Variants in KIAA0753 observed in about 807,000 individuals in gnomAD.
KIAA0753 encodes the protein protein moonraker.
A neutral mutation model predicts 116.9 loss-of-function variants in KIAA0753; 114 were observed. That is an observed-to-expected ratio of 0.98 (90% CI 0.84 to 1.14). The LOEUF (loss-of-function observed/expected upper bound fraction) is 1.14, where lower values mean the gene tolerates loss of function less well. Among genes scored for constraint, KIAA0753 ranks in the 50% most tolerant of loss-of-function variants. The pLI is 0.00. For missense variants in KIAA0753, 1,156 were observed against 1,172.4 expected (o/e 0.99, Z 0.20); for synonymous variants, 405 against 413.1 (o/e 0.98, Z 0.24).
chr17:6,587,083 T>C (rs1237347431), intron 18 of KIAA0753, among the ~76,000 whole-genome samples: 1 of 151,926 alleles, frequency 6.6e-6, no homozygotes, highest in African/African-American at 2.4e-5. Flanking sequence ...AACACAAAAA[T>C]TAGCCAGGTG....
intron 16 of KIAA0753, among the ~76,000 whole-genome samples, chr17:6,591,363 TCAGA>T (rs1969052361): frequency 6.6e-6 from 1 of 152,226 alleles, no homozygotes; most frequent in Non-Finnish European, 1.5e-5. Flanking sequence ...TTTCTTGCTG[TCAGA>T]CAGAAGTACG....
At chr17:6,607,362 A>T in intron 10 of KIAA0753, 92 bp from the exon 11 acceptor site, 2 of 959,390 alleles carry the variant, frequency 2.1e-6, no homozygotes, top group Middle Eastern at 4.2e-4. Flanking sequence ...GGACCACTGC[A>T]GAGCAGAGCA....
rs575722603 is a variant in KIAA0753, at chr17:6,611,786, C to G, written c.1545+133G>C. 107 of 694,756 alleles carry G rather than the reference C, an allele frequency of 1.5e-4. No individual in the cohort carries two copies. In the African/African-American group the frequency reaches 1.8e-3, roughly 12 times the overall value. 43.0% of individuals were successfully genotyped at this position (694,756 alleles called of 1,614,324 possible). ...TTATTTTTTTGTTAAAATATATAAA[C>G]AACTTAAATAGCCAGACTCAAGGAC... On this transcript the variant is annotated intron_variant, in intron 8 of 18. Coordinates refer to ENST00000361413, the MANE Select transcript of KIAA0753 (RefSeq NM_014804.3).
Position 6,610,074 on chromosome 17 carries a change from T to G in KIAA0753, c.1632A>C (p.Lys544Asn). 1 of 1,614,144 alleles carries G rather than the reference T, an allele frequency of 6.2e-7. No homozygotes were observed. The highest frequency in any genetic ancestry group is 1.1e-5 in the South Asian group (1 of 91,080). Residue 544 changes from lysine (K) to asparagine (N), a missense_variant, in exon 9 of 19, where the codon AAA (lysine) becomes AAC (asparagine). Transcript: ENST00000361413. ...VQQTTVSSRL[K>N]MNRQPVKDRK... The stretch of plus-strand genomic sequence containing the variant: ...GGTCTTTCACAGGCTGCCGGTTCAT[T>G]TTTAATCTGGATGAAACTGTTGTCT...
In KIAA0753 at chr17:6,628,463, AC is replaced by A. The variant is rs1268279663; in HGVS notation, c.371del (p.Ser124IlefsTer41). On this transcript the variant is annotated frameshift_variant, in exon 3 of 19. Coordinates refer to ENST00000361413, the MANE Select transcript of KIAA0753 (RefSeq NM_014804.3). LOFTEE classifies it high-confidence loss of function. ...EKHIKEHHLRSQPQSSQKCGH... is the reference protein window; with the variant it reads ...EKHIKEHHLRXQPQSSQKCGH... ...CACACTTCTGAGAGCTTTGAGGCTG[AC>A]TTCTGAGATGATGTTCTTTTATATG... 6.2e-7 allele frequency: 1 copy of A among 1,614,160 alleles called. No individual in the cohort carries two copies. Among genetic ancestry groups the A allele is most frequent in the South Asian group, 1.1e-5 (1 of 91,084 alleles).
intron 8 of KIAA0753, 119 bp downstream of exon 8, chr17:6,611,800 A>T (rs1597536611): frequency 1.4e-6 from 1 of 738,058 alleles, no homozygotes; most frequent in East Asian, 2.5e-5. Context: ...TTAAATAGCC[A>T]GACTCAAGGA....
intron 16 of KIAA0753, among the ~76,000 whole-genome samples, chr17:6,591,377 G>A (rs1024364221): frequency 2.6e-5 from 4 of 152,152 alleles, no homozygotes; most frequent in Non-Finnish European, 4.4e-5. Flanking sequence ...ACAGAAGTAC[G>A]ATATAAGTCA....
In KIAA0753 at chr17:6,620,822, T is replaced by G. The variant is rs1263231199; in HGVS notation, c.1281A>C (p.Thr427=). The G allele has an allele frequency of 6.2e-7, 1 of 1,614,082 alleles. No homozygotes were observed. Among genetic ancestry groups the G allele is most frequent in the East Asian group, 2.2e-5 (1 of 44,896 alleles). The change falls in exon 7 of 19, where the codon ACA becomes ACC. Residue 427 remains threonine (T), a synonymous_variant. Transcript: ENST00000361413. ...GCTGCTTTGCTACAGAAGGTCGACT[T>G]GTTTCCTGTGGGAATGTGTCCTTTG... ...LTAKDTFPQE[T]SRPSVAKQLL...
At chr17:6,615,575 A>G (rs1433690181) in intron 7 of KIAA0753, among the ~76,000 whole-genome samples, 1 of 131,530 alleles carries the variant, frequency 7.6e-6, no homozygotes, top group African/African-American at 2.8e-5. Flanking sequence ...AGATCATGCC[A>G]TTACACTCCA....
In KIAA0753 at chr17:6,590,417, C is replaced by A. The variant is rs1968907995; in HGVS notation, c.2561+93G>T. ...AAGATCTTGCTCAAAGGAAGAATTT[C>A]TGTCTGTCTTATGGGAACTGAAAGA... is the stretch of plus-strand genomic sequence containing the variant. On this transcript the variant is annotated intron_variant, in intron 17 of 18. Transcript: ENST00000361413. The A allele has an allele frequency of 2.0e-6, 3 of 1,464,108 alleles. No individual in the cohort carries two copies. The South Asian group carries it at 3.7e-5, about 18-fold the overall frequency. 90.7% of individuals were successfully genotyped at this position (1,464,108 alleles called of 1,614,324 possible).
At chr17:6,583,965 A>G (rs957740604) in intron 18 of KIAA0753, among the ~76,000 whole-genome samples, 2 of 152,224 alleles carry the variant, frequency 1.3e-5, no homozygotes, top group Non-Finnish European at 2.9e-5. Context: ...TTTCTAATGC[A>G]TGGTGCCTGT....
chr17:6,614,353 A>G (rs1223679408), intron 7 of KIAA0753, among the ~76,000 whole-genome samples: 1 of 152,178 alleles, frequency 6.6e-6, no homozygotes, highest in Non-Finnish European at 1.5e-5. Context: ...TATAAAAGCA[A>G]AAAACTGGGA....
chr17:6,594,036 T>A (rs72835747), intron 16 of KIAA0753, among the ~76,000 whole-genome samples: 12,165 of 152,282 alleles, frequency 0.08, 553 homozygotes, highest in Non-Finnish European at 0.11. Context: ...GTCAATTTTT[T>A]ATGAAGTTAA....
At chr17:6,614,580 G>C (rs1405016580) in intron 7 of KIAA0753, among the ~76,000 whole-genome samples, 3 of 151,880 alleles carry the variant, frequency 2.0e-5, no homozygotes, top group Non-Finnish European at 4.4e-5. Flanking sequence ...ATATATGACA[G>C]ATACACAAGC....
chr17:6,606,467 C>T (rs777414616), intron 12 of KIAA0753, among the ~76,000 whole-genome samples: 1 of 152,176 alleles, frequency 6.6e-6, no homozygotes, highest in Non-Finnish European at 1.5e-5. Context: ...CATTTGAAAA[C>T]CATAGCCTGC....
At chr17:6,584,868 C>T (rs546362307) in intron 18 of KIAA0753, among the ~76,000 whole-genome samples, 1 of 152,350 alleles carries the variant, frequency 6.6e-6, no homozygotes, top group Admixed American at 6.5e-5. Flanking sequence ...GTGGTGCCAT[C>T]TCAGCTCACT....
chr17:6,626,313 A>G (rs1279382335), intron 3 of KIAA0753, among the ~76,000 whole-genome samples: 1 of 152,268 alleles, frequency 6.6e-6, no homozygotes, highest in South Asian at 2.1e-4. Context: ...AGTGTATTTT[A>G]TAAGTTCAAA....
chr17:6,613,064 C>T (rs1970660117), intron 7 of KIAA0753, among the ~76,000 whole-genome samples: 1 of 151,974 alleles, frequency 6.6e-6, no homozygotes, highest in Admixed American at 6.6e-5. Flanking sequence ...ACTTTACAGA[C>T]AAACTATTAC....
chr17:6,585,644 C>A (rs1488076305), intron 18 of KIAA0753, among the ~76,000 whole-genome samples: 1 of 152,122 alleles, frequency 6.6e-6, no homozygotes, highest in Non-Finnish European at 1.5e-5. Context: ...TTTACTTGAG[C>A]CATCATGTTT....
Sources: allele counts gnomAD v4.1 joint callset (sites outside exome capture counted in the v4.1 genomes callset), GRCh38; gene constraint gnomAD v4.1.1; transcripts MANE v1.5; gene names NCBI Gene and HGNC (gene_info 2026-07-23, HGNC 2026-07-21).